SLX4IP: variants seen among roughly 807,000 people sequenced by gnomAD.
SLX4IP encodes SLX4 interacting protein.
SLX4IP carries 34 observed loss-of-function variants against 32.9 expected under a neutral mutation model. The observed-to-expected ratio is 1.03, with a 90% CI of 0.79 to 1.38. SLX4IP has a LOEUF of 1.38. Ranked by LOEUF, SLX4IP falls within the 40% of genes most tolerant of loss-of-function variation. The pLI is 0.00. For synonymous variants in SLX4IP, 172 were observed against 171.7 expected, an observed-to-expected ratio of 1.00 and a Z score of -0.01; for missense variants, 444 against 479.0, an observed-to-expected ratio of 0.93 and a Z score of 0.68.
chr20:10,577,559 A>G (rs183661100), intron 4 of SLX4IP, among the ~76,000 whole-genome samples: 2 of 152,280 alleles, frequency 1.3e-5, no homozygotes, highest in East Asian at 3.9e-4. Flanking sequence ...CTACAAAAAA[A>G]CATAAAAATA....
chr20:10,477,203 G>C (rs2065482527), intron 2 of SLX4IP, among the ~76,000 whole-genome samples: 1 of 151,954 alleles, frequency 6.6e-6, no homozygotes, highest in African/African-American at 2.4e-5. Flanking sequence ...CGCTCTTTTA[G>C]TGGCATGATT....
intron 6 of SLX4IP, among the ~76,000 whole-genome samples, chr20:10,603,816 G>A (rs892789474): frequency 6.6e-6 from 1 of 152,064 alleles, no homozygotes; most frequent in Admixed American, 6.5e-5. Context: ...GTTACTAGAA[G>A]CAATAAAAGA....
chr20:10,540,724 A>G (rs546545452), intron 2 of SLX4IP, among the ~76,000 whole-genome samples: 16 of 152,332 alleles, frequency 1.1e-4, no homozygotes, highest in Non-Finnish European at 2.2e-4. Context: ...AAAGGAAAGT[A>G]GAGGTGGCTC....
Position 10,627,183 on chromosome 20 carries a change from G to A in SLX4IP, c.*3804G>A, listed in dbSNP as rs975223861. 5 of 152,292 alleles carry A rather than the reference G, an allele frequency of 3.3e-5. No individual in the cohort carries two copies. Among genetic ancestry groups the A allele is most frequent in the East Asian group, 1.9e-4 (1 of 5,190 alleles). The allele number at this position is 152,292 out of a possible 1,614,324, so 9.4% of individuals were successfully genotyped here. ...CAGATGCCTTTCCTAAGAACTCAAA[G>A]TTCTCTTTTCAGCGTGCTGTGACTT... On this transcript the variant is annotated 3_prime_UTR_variant, in exon 8 of 8. Coordinates refer to ENST00000334534, the MANE Select transcript of SLX4IP (RefSeq NM_001009608.3).
At chr20:10,459,695 TG>T (rs2065319972) in intron 2 of SLX4IP, among the ~76,000 whole-genome samples, 1 of 152,232 alleles carries the variant, frequency 6.6e-6, no homozygotes, top group African/African-American at 2.4e-5. Flanking sequence ...CTTGCCTGGT[TG>T]CCCTCTTTCA....
intron 1 of SLX4IP, among the ~76,000 whole-genome samples, chr20:10,446,896 A>T (rs965960651): frequency 1.8e-5 from 2 of 110,878 alleles, no homozygotes; most frequent in Non-Finnish European, 4.6e-5. Flanking sequence ...TTTTTCTCCC[A>T]GTTTTCTTAG....
At chr20:10,460,723 G>T (rs2065330442) in intron 2 of SLX4IP, among the ~76,000 whole-genome samples, 1 of 152,136 alleles carries the variant, frequency 6.6e-6, no homozygotes, top group African/African-American at 2.4e-5. Context: ...CTAGAGTCAG[G>T]GGAAGCTGCA....
chr20:10,496,762 G>C (rs1792129599), intron 2 of SLX4IP, among the ~76,000 whole-genome samples: 2 of 152,162 alleles, frequency 1.3e-5, no homozygotes, highest in African/African-American at 2.4e-5. Context: ...TTGTTGGCTA[G>C]AACTGTGCCA....
chr20:10,548,838 T>C (rs1462738713), intron 2 of SLX4IP, among the ~76,000 whole-genome samples: 1 of 152,194 alleles, frequency 6.6e-6, no homozygotes, highest in African/African-American at 2.4e-5. Flanking sequence ...ACACAAGCGC[T>C]CCATGAATCT....
chr20:10,450,984 C>T (rs2065236770), intron 1 of SLX4IP, among the ~76,000 whole-genome samples: 2 of 152,100 alleles, frequency 1.3e-5, no homozygotes, highest in African/African-American at 2.4e-5. Flanking sequence ...GATCTCCTGA[C>T]CTCTTGATCC....
intron 2 of SLX4IP, among the ~76,000 whole-genome samples, chr20:10,466,024 G>A (rs892010857): frequency 2.0e-5 from 3 of 152,268 alleles, no homozygotes; most frequent in African/African-American, 7.2e-5. Context: ...CAAGGCCAAG[G>A]TAAAGCCATT....
rs185270285 is a variant in SLX4IP, at chr20:10,438,855, T to A, written c.-30+3402T>A. Among the ~76,000 whole-genome samples the A allele has an allele frequency of 1.5e-4, 23 of 151,956 alleles. No homozygotes were observed. In the East Asian group the frequency reaches 3.3e-3, roughly 22 times the overall value. ...GTTAGTCTGGCTTCTTTCATCATCA[T>A]CATAATCATTTTTTTTTTTTAATTT... On this transcript the variant is annotated intron_variant, in intron 1 of 7. Coordinates refer to ENST00000334534, the MANE Select transcript of SLX4IP (RefSeq NM_001009608.3).
At chr20:10,448,676 G>A (rs539313980) in intron 1 of SLX4IP, among the ~76,000 whole-genome samples, 7 of 152,188 alleles carry the variant, frequency 4.6e-5, no homozygotes, top group East Asian at 1.9e-4. Flanking sequence ...GATCACCTGC[G>A]AGAGCAGGCA....
At chr20:10,600,196 T>C (rs950036698) in intron 5 of SLX4IP, among the ~76,000 whole-genome samples, 1 of 152,228 alleles carries the variant, frequency 6.6e-6, no homozygotes, top group African/African-American at 2.4e-5. Context: ...TTTGTTCTTC[T>C]GGCTTTTCAA....
chr20:10,438,204 C>A (rs539703586), intron 1 of SLX4IP, among the ~76,000 whole-genome samples: 154 of 151,110 alleles, frequency 1.0e-3, no homozygotes, highest in African/African-American at 3.5e-3. Flanking sequence ...ATATACCAGG[C>A]CTGGAAGAGG....
chr20:10,568,667 A>G (rs2066424227), intron 4 of SLX4IP, among the ~76,000 whole-genome samples: 1 of 152,244 alleles, frequency 6.6e-6, no homozygotes, highest in African/African-American at 2.4e-5. Flanking sequence ...ATTTTAGTTT[A>G]CAATTTTGGT....
intron 2 of SLX4IP, among the ~76,000 whole-genome samples, chr20:10,521,674 G>A (rs966538268): frequency 6.6e-6 from 1 of 152,186 alleles, no homozygotes; most frequent in Admixed American, 6.5e-5. Context: ...CAAGTCACCA[G>A]GAAACCAAGA....
chr20:10,501,664 A>G (rs1568712071), intron 2 of SLX4IP, among the ~76,000 whole-genome samples: 1 of 152,260 alleles, frequency 6.6e-6, no homozygotes, highest in Admixed American at 6.5e-5. Context: ...GTGTGGCCAC[A>G]AAGAGATGGC....
chr20:10,530,087 A>T (rs958150367), intron 2 of SLX4IP, among the ~76,000 whole-genome samples: 1 of 152,068 alleles, frequency 6.6e-6, no homozygotes, highest in Non-Finnish European at 1.5e-5. Flanking sequence ...ACAGGCTGAC[A>T]CTCTGCCTAC....
Sources: allele counts gnomAD v4.1 joint callset (sites outside exome capture counted in the v4.1 genomes callset), GRCh38; gene constraint gnomAD v4.1.1; transcripts MANE v1.5; gene names NCBI Gene and HGNC (gene_info 2026-07-23, HGNC 2026-07-21).